RIMS2: variants seen among roughly 807,000 people sequenced by gnomAD.
RIMS2 encodes the protein regulating synaptic membrane exocytosis protein 2.
Under a neutral mutation model 174.4 loss-of-function variants are expected in RIMS2, and 59 were observed. The ratio of observed to expected loss-of-function variants is 0.34; its 90% CI spans 0.27 to 0.42. The LOEUF (loss-of-function observed/expected upper bound fraction) is 0.42. Among genes scored for constraint, RIMS2 ranks in the 10% least tolerant of loss-of-function variants. The pLI, the probability that RIMS2 is intolerant of heterozygous loss-of-function variation, is 1.00. For missense variants in RIMS2, 1,620 were observed against 1,666.3 expected (o/e 0.97, Z 0.48); for synonymous variants, 606 against 572.5 (o/e 1.06, Z -0.84).
chr8:103,890,474 A>G (rs1410009390), intron 4 of RIMS2, among the ~76,000 whole-genome samples: 3 of 152,048 alleles, frequency 2.0e-5, no homozygotes, highest in African/African-American at 7.2e-5. Context: ...AACTAGCAAT[A>G]TAAGGCAATT....
intron 19 of RIMS2, among the ~76,000 whole-genome samples, chr8:104,059,931 T>C (rs1331924358): frequency 6.6e-6 from 1 of 152,142 alleles, no homozygotes; most frequent in Non-Finnish European, 1.5e-5. Flanking sequence ...CACTTGGTCA[T>C]GGTGGATAAG....
intron 3 of RIMS2, among the ~76,000 whole-genome samples, chr8:103,835,195 G>A (rs758484533): frequency 1.5e-4 from 21 of 144,174 alleles, no homozygotes; most frequent in Non-Finnish European, 2.6e-4. Context: ...TCCACCTCCC[G>A]GGTTCAAGGG....
rs528469996 is a variant in RIMS2, at chr8:103,533,628, C to T, written c.176+32566C>T. ...AGTGAGCTGAGATCATGCCACTGCA[C>T]TCCAGCCTGGGGGACAAAGCGAGAC... On this transcript the variant is annotated intron_variant, in intron 1 of 23. Transcript: ENST00000504942. Among the ~76,000 whole-genome samples the T allele has an allele frequency of 1.0e-4, 14 of 138,450 alleles. No individual in the cohort carries two copies. In the East Asian group the frequency reaches 2.9e-3, roughly 29 times the overall value. The allele number at this position is 138,450 out of a possible 152,430, so 90.8% of individuals were successfully genotyped here.
intron 8 of RIMS2, among the ~76,000 whole-genome samples, chr8:103,917,275 T>C (rs1047488197): frequency 6.6e-6 from 1 of 152,186 alleles, no homozygotes; most frequent in Admixed American, 6.5e-5. Context: ...AATGGTAATG[T>C]CCAGTTTTAA....
intron 1 of RIMS2, among the ~76,000 whole-genome samples, chr8:103,612,008 A>C (rs1294923081): frequency 6.6e-6 from 1 of 151,650 alleles, no homozygotes; most frequent in Non-Finnish European, 1.5e-5. Flanking sequence ...TGTATTTTCA[A>C]ATAGCTGTCT....
At chr8:103,534,010 A>G (rs1838648637) in intron 1 of RIMS2, among the ~76,000 whole-genome samples, 1 of 152,060 alleles carries the variant, frequency 6.6e-6, no homozygotes, top group African/African-American at 2.4e-5. Flanking sequence ...CAATTTTTTG[A>G]GCTCAAGGCT....
intron 3 of RIMS2, among the ~76,000 whole-genome samples, chr8:103,812,381 C>G (rs2098694353): frequency 7.8e-6 from 1 of 127,650 alleles, no homozygotes; most frequent in African/African-American, 2.9e-5. Flanking sequence ...CAGAGTTTCA[C>G]CCTTGTCCCC....
Position 104,093,695 on chromosome 8 carries a change from A to G in RIMS2, c.3334+79080A>G, listed in dbSNP as rs2097702863. ...TCTAAATATGTTTTAGAAGGTCTTT[A>G]TGTTTCCCGGATGAACATAAAATTA... On this transcript the variant is annotated intron_variant, in intron 19 of 23. Coordinates refer to ENST00000504942, the Ensembl canonical transcript of RIMS2. 6 of 1,380,292 alleles carry G rather than the reference A, an allele frequency of 4.3e-6. No individual in the cohort carries two copies. The Admixed American group carries it at 6.2e-5, about 14-fold the overall frequency. The allele number at this position is 1,380,292 out of a possible 1,614,324, so 85.5% of individuals were successfully genotyped here. A position where few individuals can be genotyped will look rare whatever the true frequency, so the allele number is the denominator to read the frequency against.
intron 19 of RIMS2, among the ~76,000 whole-genome samples, chr8:104,048,122 A>G (rs2096724385): frequency 6.6e-6 from 1 of 152,190 alleles, no homozygotes; most frequent in African/African-American, 2.4e-5. Flanking sequence ...GCAGGTATAA[A>G]CTTCAGAATA....
chr8:103,986,121 T>G (rs913839861), intron 16 of RIMS2, among the ~76,000 whole-genome samples: 1 of 152,148 alleles, frequency 6.6e-6, no homozygotes, highest in Non-Finnish European at 1.5e-5. Flanking sequence ...ATATTTGAGG[T>G]AGTACAAATG....
At chr8:103,735,815 C>T (rs978865427) in intron 2 of RIMS2, among the ~76,000 whole-genome samples, 1 of 152,038 alleles carries the variant, frequency 6.6e-6, no homozygotes. Flanking sequence ...TTTGTTAGTC[C>T]AGAGTATAAG....
At chr8:103,601,347 T>C (rs1588676340) in intron 1 of RIMS2, among the ~76,000 whole-genome samples, 1 of 152,300 alleles carries the variant, frequency 6.6e-6, no homozygotes, top group African/African-American at 2.4e-5. Flanking sequence ...TATCTGGGTG[T>C]TCCAGTGTTG....
rs2099042926 is a variant in RIMS2, at chr8:103,858,836, T to TA, written c.699-26462_699-26461insA. Reference sequence around the variant, plus strand: ...ACTGGAGTAGAACTAGAGGGAATCTTCATTTTCTAGTCTGAGCCATACATT... The same window carrying TA: ...ACTGGAGTAGAACTAGAGGGAATCTTACATTTTCTAGTCTGAGCCATACATT... On this transcript the variant is annotated intron_variant, in intron 3 of 23. Transcript: ENST00000504942. Among the ~76,000 whole-genome samples, 4 of 151,976 alleles carry TA rather than the reference T, an allele frequency of 2.6e-5. No individual in the cohort carries two copies. In the South Asian group the frequency reaches 8.3e-4, roughly 31 times the overall value.
chr8:103,944,692 C>G (rs1180223177), intron 14 of RIMS2, among the ~76,000 whole-genome samples: 2 of 151,888 alleles, frequency 1.3e-5, no homozygotes, highest in African/African-American at 4.8e-5. Context: ...TTTCACATCC[C>G]CATATGATCT....
intron 19 of RIMS2, among the ~76,000 whole-genome samples, chr8:104,118,512 C>A (rs937787644): frequency 1.3e-5 from 2 of 151,750 alleles, no homozygotes; most frequent in African/African-American, 2.4e-5. Flanking sequence ...GTGCTTCAGC[C>A]TCCCAGGATT....
chr8:103,922,379 T>C (rs1185232679), intron 10 of RIMS2, among the ~76,000 whole-genome samples: 1 of 152,054 alleles, frequency 6.6e-6, no homozygotes, highest in African/African-American at 2.4e-5. Context: ...AAAACTTAAA[T>C]GTTCATTTAT....
At chr8:103,966,592 C>T (rs183924033) in intron 15 of RIMS2, among the ~76,000 whole-genome samples, 51 of 152,034 alleles carry the variant, frequency 3.4e-4, no homozygotes, top group African/African-American at 1.2e-3. Flanking sequence ...TTGATTTTCT[C>T]TATTGATTTT....
At position 103,831,483 on chromosome 8, in the gene RIMS2, G is replaced by A. The variant is rs77359958; in HGVS notation, c.699-53815G>A. 2.1e-3 allele frequency among the ~76,000 whole-genome samples: 327 copies of A among 152,166 alleles called. 2 individuals carry two copies. Among genetic ancestry groups the A allele is most frequent in the Admixed American group, 3.7e-3 (56 of 15,290 alleles). On this transcript the variant is annotated intron_variant, in intron 3 of 23. Coordinates refer to ENST00000504942, the Ensembl canonical transcript of RIMS2. ...TGTAACTGAATAGTCCAAGCCAGAC[G>A]CTAGGCTTCACTGAGCACTGACCTC...
chr8:104,061,280 G>A (rs984792090), intron 19 of RIMS2, among the ~76,000 whole-genome samples: 1 of 152,108 alleles, frequency 6.6e-6, no homozygotes, highest in Admixed American at 6.6e-5. Flanking sequence ...ATATATGTAG[G>A]ATAGTTAGCT....
Sources: gnomAD v4.1 joint callset for allele counts (sites outside exome capture counted in the v4.1 genomes callset) on GRCh38, gnomAD v4.1.1 for gene constraint, MANE v1.5 for transcripts, NCBI Gene and HGNC (gene_info 2026-07-23, HGNC 2026-07-21) for gene names.